Variants in MMS22L observed in about 807,000 individuals in gnomAD.
The protein encoded by MMS22L is protein MMS22-like.
MMS22L carries 74 observed loss-of-function variants against 159.1 expected under a neutral mutation model. That is an observed-to-expected ratio of 0.47 (90% CI 0.39 to 0.56). The LOEUF is 0.56. Among genes scored for constraint, MMS22L ranks in the 20% least tolerant of loss-of-function variants. The probability of loss-of-function intolerance (pLI) is 0.00; values close to 1 mark genes in which losing one functional copy is unlikely to be tolerated. For missense variants in MMS22L, 1,351 were observed against 1,422.1 expected, an observed-to-expected ratio of 0.95 and a Z score of 0.80; for synonymous variants, 517 against 506.9, an observed-to-expected ratio of 1.02 and a Z score of -0.27.
Position 97,142,677 on chromosome 6 carries a change from G to A in MMS22L, c.*4129C>T, listed in dbSNP as rs1034652530. 6.6e-6 allele frequency: 1 copy of A among 152,170 alleles called. No individual in the cohort carries two copies. Among genetic ancestry groups the A allele is most frequent in the East Asian group, 1.9e-4 (1 of 5,182 alleles). 9.4% of individuals were successfully genotyped at this position (152,170 alleles called of 1,614,324 possible). A position where few individuals can be genotyped will look rare whatever the true frequency, so the allele number is the denominator to read the frequency against. On this transcript the variant is annotated 3_prime_UTR_variant, in exon 25 of 25. Coordinates refer to ENST00000683635, the MANE Select transcript of MMS22L (RefSeq NM_001350599.2). Reference sequence around the variant, plus strand: ...AGACATGAGTGCTATGATAACATACGGTTTGGGGAAGGCAGATTTCTAAAG... The same window carrying A: ...AGACATGAGTGCTATGATAACATACAGTTTGGGGAAGGCAGATTTCTAAAG...
intron 23 of MMS22L, 94 bp from the exon 24 acceptor site, chr6:97,150,114 AG>A (rs1365134802): frequency 1.1e-6 from 1 of 877,056 alleles, no homozygotes; most frequent in Non-Finnish European, 1.7e-6. Flanking sequence ...AACATAACAA[AG>A]ATCATTTCAT....
rs565543277 is a variant in MMS22L, at chr6:97,235,265, G to GA, written c.1183-1286dup. 2.6e-4 allele frequency among the ~76,000 whole-genome samples: 39 copies of GA among 152,248 alleles called. 1 individual carries two copies. The South Asian group carries it at 8.1e-3, about 32-fold the overall frequency. On this transcript the variant is annotated intron_variant, in intron 11 of 24. Transcript: ENST00000683635. ...AAGAAGTTTCAGGTTTTTGCATAAGGAAATAGGTCAATGGTGCTATTTCCT... is the reference window on the plus strand; with the variant it reads ...AAGAAGTTTCAGGTTTTTGCATAAGGAAAATAGGTCAATGGTGCTATTTCCT...
At chr6:97,258,516 CAT>C (rs1343122125) in intron 9 of MMS22L, 7 of 152,284 alleles carry the variant, frequency 4.6e-5, no homozygotes, top group African/African-American at 1.7e-4. Flanking sequence ...CACACACACA[CAT>C]ATACATTTAT....
chr6:97,192,004 G>A (rs1805918275), intron 14 of MMS22L, among the ~76,000 whole-genome samples: 1 of 152,146 alleles, frequency 6.6e-6, no homozygotes, highest in South Asian at 2.1e-4. Flanking sequence ...GATAATGGTA[G>A]TTTCAATCCT....
chr6:97,158,629 G>A (rs973356606), intron 22 of MMS22L, among the ~76,000 whole-genome samples: 2 of 152,176 alleles, frequency 1.3e-5, no homozygotes. Context: ...TTTTGAGTGA[G>A]TTTCTTAATC....
intron 9 of MMS22L, chr6:97,261,516 T>C (rs1396261612): frequency 1.3e-5 from 2 of 152,238 alleles, no homozygotes; most frequent in Admixed American, 1.3e-4. Context: ...TAGTTTATCA[T>C]GTATATAATA....
intron 11 of MMS22L, among the ~76,000 whole-genome samples, chr6:97,237,236 G>T (rs185422598): frequency 6.6e-6 from 1 of 152,244 alleles, no homozygotes; most frequent in South Asian, 2.1e-4. Context: ...AGGACAGTTC[G>T]ATTATACCCA....
chr6:97,216,993 CT>C (rs1213562169), intron 14 of MMS22L, among the ~76,000 whole-genome samples: 2 of 152,108 alleles, frequency 1.3e-5, no homozygotes, highest in African/African-American at 4.8e-5. Context: ...TTTCCTTCTC[CT>C]TTTATCCAAT....
At chr6:97,250,755 C>T (rs1426083206) in intron 10 of MMS22L, among the ~76,000 whole-genome samples, 3 of 152,234 alleles carry the variant, frequency 2.0e-5, no homozygotes, top group African/African-American at 7.2e-5. Flanking sequence ...AAAGATTTCA[C>T]ATTAACCTTC....
intron 6 of MMS22L, chr6:97,272,485 T>C (rs1256097157): frequency 6.6e-6 from 3 of 453,658 alleles, no homozygotes; most frequent in Non-Finnish European, 1.2e-5. Flanking sequence ...ATTCATCCAA[T>C]GATTCTGGTA....
chr6:97,228,878 C>T lies in MMS22L; in HGVS notation c.2039+16G>A, dbSNP rs373399990. On this transcript the variant is annotated intron_variant, in intron 14 of 24. Transcript: ENST00000683635. ...ATAAAACAAATCATAAATTAGCATA[C>T]AACTGAAAACCATACCTGATTCTGG... 34 of 1,579,570 alleles carry T rather than the reference C, an allele frequency of 2.2e-5. No individual in the cohort carries two copies. The highest frequency in any genetic ancestry group is 2.7e-5 in the Non-Finnish European group (32 of 1,165,210).
At chr6:97,263,545 AC>A in intron 8 of MMS22L, 97 bp from the exon 9 acceptor site, 1 of 538,680 alleles carries the variant, frequency 1.9e-6, no homozygotes, top group Non-Finnish European at 3.1e-6. Context: ...GATTTAGATG[AC>A]TAAGAATTTA....
At position 97,179,332 on chromosome 6, in the gene MMS22L, C is replaced by T; in HGVS notation, c.2536+76G>A. The T allele has an allele frequency of 3.2e-6, 4 of 1,253,424 alleles. No individual in the cohort carries two copies. The South Asian group carries it at 5.1e-5, about 16-fold the overall frequency. 77.6% of individuals were successfully genotyped at this position (1,253,424 alleles called of 1,614,324 possible). ...TATTTTGTATATTTTCTATTAATTA[C>T]ATAACAAATGATCTAGACAGCAAAT... On this transcript the variant is annotated intron_variant, in intron 17 of 24. Transcript: ENST00000683635.
intron 3 of MMS22L, among the ~76,000 whole-genome samples, chr6:97,280,401 C>T (rs951513910): frequency 6.6e-6 from 1 of 151,926 alleles, no homozygotes; most frequent in Non-Finnish European, 1.5e-5. Context: ...TGGGCAATCT[C>T]AAATCACTGC....
At chr6:97,151,528 A>C (rs1801315337) in intron 23 of MMS22L, 2 of 425,910 alleles carry the variant, frequency 4.7e-6, no homozygotes, top group South Asian at 2.4e-5. Context: ...CTGTTCATGC[A>C]AGATTCTTCC....
intron 22 of MMS22L, among the ~76,000 whole-genome samples, chr6:97,152,562 G>GA (rs1303073298): frequency 2.0e-5 from 3 of 151,814 alleles, no homozygotes; most frequent in African/African-American, 7.3e-5. Flanking sequence ...AGAAACCAGA[G>GA]AAAAAAGTGC....
intron 7 of MMS22L, 95 bp downstream of exon 7, chr6:97,269,807 T>G (rs945858066): frequency 1.2e-6 from 1 of 848,312 alleles, no homozygotes; most frequent in African/African-American, 1.7e-5. Flanking sequence ...TTGATTTTTT[T>G]TTAAATATCA....
intron 14 of MMS22L, among the ~76,000 whole-genome samples, chr6:97,204,471 A>G (rs1807533146): frequency 6.6e-6 from 1 of 152,240 alleles, no homozygotes; most frequent in Admixed American, 6.5e-5. Flanking sequence ...ACAAATGCAT[A>G]GAGCTATAAA....
intron 15 of MMS22L, among the ~76,000 whole-genome samples, chr6:97,185,367 A>C (rs919760333): frequency 3.3e-5 from 5 of 152,066 alleles, no homozygotes; most frequent in Non-Finnish European, 7.4e-5. Flanking sequence ...CTAAACTATC[A>C]AGTCTTTATT....
Sources: allele counts gnomAD v4.1 joint callset (sites outside exome capture counted in the v4.1 genomes callset), GRCh38; gene constraint gnomAD v4.1.1; transcripts MANE v1.5; gene names NCBI Gene and HGNC (gene_info 2026-07-23, HGNC 2026-07-21).